TMEM266: variants seen among roughly 807,000 people sequenced by gnomAD.
TMEM266 encodes the protein Hv1 related protein 1.
TMEM266 carries 33 observed loss-of-function variants against 50.5 expected under a neutral mutation model. That is an observed-to-expected ratio of 0.65 (90% CI 0.50 to 0.87). The LOEUF (loss-of-function observed/expected upper bound fraction) is 0.87. Among genes scored for constraint, TMEM266 ranks in the 40% least tolerant of loss-of-function variants. The pLI, the probability that TMEM266 is intolerant of heterozygous loss-of-function variation, is 0.00. For missense variants in TMEM266, 655 were observed against 695.1 expected (o/e 0.94, Z 0.65); for synonymous variants, 310 against 292.3 (o/e 1.06, Z -0.62).
At chr15:76,115,455 C>T (rs1043194250) in intron 1 of TMEM266, among the ~76,000 whole-genome samples, 15 of 152,226 alleles carry the variant, frequency 9.9e-5, no homozygotes, top group Admixed American at 9.2e-4. Flanking sequence ...AGCTCTTCTG[C>T]TCTGGCCCTA....
At chr15:76,130,366 C>T (rs1405840505) in intron 1 of TMEM266, among the ~76,000 whole-genome samples, 3 of 151,308 alleles carry the variant, frequency 2.0e-5, no homozygotes, top group East Asian at 1.9e-4. Flanking sequence ...GGTGAAACCC[C>T]GTCTCTACTA....
At chr15:76,183,964 C>T (rs1368770940) in intron 8 of TMEM266, among the ~76,000 whole-genome samples, 1 of 152,206 alleles carries the variant, frequency 6.6e-6, no homozygotes, top group African/African-American at 2.4e-5. Context: ...CCCATCCAGG[C>T]CTCTCGCTGG....
rs1289856673 is a variant in TMEM266 at position 76,160,738 on chromosome 15, G to A, written c.456+570G>A. Reference sequence around the variant, plus strand: ...TGTGAGTGCGAGGCTGTATTTCCGAGGTGGGGGCTCAGGGAGCACGGATCG... The same window carrying A: ...TGTGAGTGCGAGGCTGTATTTCCGAAGTGGGGGCTCAGGGAGCACGGATCG... On this transcript the variant is annotated intron_variant, in intron 5 of 10. Transcript: ENST00000388942. The surrounding 1 kb of genome is among the most constrained non-coding windows in gnomAD (Gnocchi z 5.7). 6.6e-6 allele frequency among the ~76,000 whole-genome samples: 1 copy of A among 152,214 alleles called. No homozygotes were observed. The highest frequency in any genetic ancestry group is 2.4e-5 in the African/African-American group (1 of 41,460).
chr15:76,194,956 C>T (rs187996941), intron 9 of TMEM266, among the ~76,000 whole-genome samples: 72 of 152,294 alleles, frequency 4.7e-4, no homozygotes, highest in African/African-American at 1.6e-3. Flanking sequence ...AGACCCCTGA[C>T]GATCTTGCCC....
At chr15:76,186,217 C>G (rs2038488373) in intron 8 of TMEM266, among the ~76,000 whole-genome samples, 1 of 152,194 alleles carries the variant, frequency 6.6e-6, no homozygotes, top group Non-Finnish European at 1.5e-5. Context: ...CATCCTCCCT[C>G]CCAGCACAGG....
intron 8 of TMEM266, among the ~76,000 whole-genome samples, chr15:76,183,146 C>T (rs1389484754): frequency 3.7e-5 from 4 of 108,208 alleles, no homozygotes; most frequent in African/African-American, 1.4e-4. Context: ...GATGGAGTCT[C>T]GCTCTGTGGC....
At chr15:76,084,845 C>T (rs1222698431) in intron 1 of TMEM266, among the ~76,000 whole-genome samples, 3 of 152,054 alleles carry the variant, frequency 2.0e-5, no homozygotes, top group Admixed American at 2.0e-4. Flanking sequence ...TCGTGATCTG[C>T]CTGCCTTGGC....
intron 1 of TMEM266, among the ~76,000 whole-genome samples, chr15:76,094,632 GT>G (rs1361757757): frequency 1.3e-5 from 2 of 152,042 alleles, no homozygotes. Context: ...TTTTAATGTA[GT>G]TTTTTCCAGT....
intron 1 of TMEM266, among the ~76,000 whole-genome samples, chr15:76,117,631 G>T (rs1442165296): frequency 6.6e-6 from 1 of 152,188 alleles, no homozygotes; most frequent in African/African-American, 2.4e-5. Flanking sequence ...GAATTGAAGG[G>T]AGATAAGAAA....
At chr15:76,170,127 A>G (rs1393338942) in intron 6 of TMEM266, among the ~76,000 whole-genome samples, 2 of 143,490 alleles carry the variant, frequency 1.4e-5, no homozygotes, top group African/African-American at 5.0e-5. Context: ...AAATTTTACA[A>G]TTTGAATCAA....
chr15:76,187,439 T>A (rs950996128), intron 8 of TMEM266, among the ~76,000 whole-genome samples: 6 of 152,214 alleles, frequency 3.9e-5, no homozygotes, highest in Admixed American at 1.3e-4. Flanking sequence ...GAGGTTCAGA[T>A]CAGCAGGGCA....
At chr15:76,085,486 C>T (rs1036853782) in intron 1 of TMEM266, among the ~76,000 whole-genome samples, 6 of 150,802 alleles carry the variant, frequency 4.0e-5, no homozygotes, top group Non-Finnish European at 7.4e-5. Flanking sequence ...TGTTGAACTC[C>T]TGACCTCAGT....
rs542463507 is a variant in TMEM266 at position 76,128,783 on chromosome 15, C to T, written c.-96-5385C>T. 5.9e-5 allele frequency among the ~76,000 whole-genome samples: 9 copies of T among 152,318 alleles called. No homozygotes were observed. In the South Asian group the frequency reaches 1.5e-3, roughly 25 times the overall value. The stretch of plus-strand genomic sequence containing the variant: ...ATGATTTTACCATCTTTTCCTCCCT[C>T]ATCTTTGCCCTTGTACCAGAGAGGC... On this transcript the variant is annotated intron_variant, in intron 1 of 10. Coordinates refer to ENST00000388942, the MANE Select transcript of TMEM266 (RefSeq NM_152335.3).
chr15:76,090,875 G>A (rs2036839157), intron 1 of TMEM266, among the ~76,000 whole-genome samples: 1 of 152,146 alleles, frequency 6.6e-6, no homozygotes, highest in South Asian at 2.1e-4. Context: ...ATGGTTAACA[G>A]TAATCTATTG....
intron 1 of TMEM266, among the ~76,000 whole-genome samples, chr15:76,076,494 C>A (rs2141987715): frequency 6.6e-6 from 1 of 152,196 alleles, no homozygotes; most frequent in East Asian, 1.9e-4. Context: ...CATAAACCAA[C>A]AATTTAACAA....
intron 1 of TMEM266, among the ~76,000 whole-genome samples, chr15:76,109,968 C>G (rs2037143496): frequency 6.6e-6 from 1 of 151,512 alleles, no homozygotes; most frequent in African/African-American, 2.4e-5. Flanking sequence ...CCAGGTTTTT[C>G]TGTTTGAGTT....
At chr15:76,141,236 CTT>C (rs34149031) in intron 3 of TMEM266, among the ~76,000 whole-genome samples, 68 of 137,878 alleles carry the variant, frequency 4.9e-4, no homozygotes, top group Admixed American at 1.0e-3. Context: ...TCTCAGTATA[CTT>C]TTTTTTTTTT....
chr15:76,123,910 G>C (rs144034669), intron 1 of TMEM266, among the ~76,000 whole-genome samples: 4 of 152,206 alleles, frequency 2.6e-5, no homozygotes, highest in Admixed American at 2.0e-4. Flanking sequence ...ACGGGGTTTC[G>C]CCATGTCGGC....
At chr15:76,167,078 A>T (rs187639581) in intron 5 of TMEM266, among the ~76,000 whole-genome samples, 1 of 152,304 alleles carries the variant, frequency 6.6e-6, no homozygotes, top group Admixed American at 6.5e-5. Context: ...GACACCCCAG[A>T]ATTGAGAGTT....
Sources: allele counts gnomAD v4.1 joint callset (sites outside exome capture counted in the v4.1 genomes callset), GRCh38; gene constraint gnomAD v4.1.1; non-coding constraint Gnocchi (gnomAD v3.1); transcripts MANE v1.5; gene names NCBI Gene and HGNC (gene_info 2026-07-23, HGNC 2026-07-21).